The following ASAP1 variants were observed in gnomAD, a reference collection of about 807,000 sequenced individuals.
ASAP1 encodes the protein arf-GAP with SH3 domain, ANK repeat and PH domain-containing protein 1.
In ASAP1, 43 loss-of-function variants were observed where a neutral mutation model predicts 145.2. That is an observed-to-expected ratio of 0.30 (90% CI 0.23 to 0.38). The LOEUF (loss-of-function observed/expected upper bound fraction) is 0.38, where lower values mean the gene tolerates loss of function less well. ASAP1 is among the 10% of genes least tolerant of loss of function. ASAP1 has a pLI of 1.00. For synonymous variants in ASAP1, 546 were observed against 515.5 expected, an observed-to-expected ratio of 1.06 and a Z score of -0.80; for missense variants, 1,018 against 1,355.3, an observed-to-expected ratio of 0.75 and a Z score of 3.91.
At chr8:130,096,716 T>A (rs1208393353) in intron 24 of ASAP1, among the ~76,000 whole-genome samples, 1 of 152,182 alleles carries the variant, frequency 6.6e-6, no homozygotes, top group East Asian at 1.9e-4. Flanking sequence ...TCTAGGAGCA[T>A]GTGTTTTCCA....
chr8:130,236,976 T>C lies in ASAP1; in HGVS notation c.205A>G (p.Thr69Ala), dbSNP rs1818251407. 3.1e-6 allele frequency: 5 copies of C among 1,605,156 alleles called. No homozygotes were observed. The highest frequency in any genetic ancestry group is 4.3e-6 in the Non-Finnish European group (5 of 1,175,596). Residue 69 changes from threonine (T) to alanine (A), a missense_variant, in exon 4 of 30, where the codon ACA becomes GCA. Transcript: ENST00000518721. ...LLEEALDQDR[T>A]ALQKVKKSVK... ...GACTTCTTCACTTTCTGAAGGGCTG[T>C]TCTATCTTGGTCTAGAGCCTAAAAG...
chr8:130,213,344 C>T (rs1816700805), intron 5 of ASAP1, among the ~76,000 whole-genome samples: 1 of 152,210 alleles, frequency 6.6e-6, no homozygotes, highest in Non-Finnish European at 1.5e-5. Flanking sequence ...CAGACACATA[C>T]ACACGTTTAT....
chr8:130,153,333 A>ATATATATATATATATATATATATGTG, intron 12 of ASAP1, among the ~76,000 whole-genome samples: 1 of 60,216 alleles, frequency 1.7e-5, no homozygotes, highest in African/African-American at 1.0e-4. Context: ...TGCTTTTTAA[A>ATATATATATATATATATATATATGTG]TATATATATA....
At chr8:130,235,178 A>G (rs541261426) in intron 4 of ASAP1, among the ~76,000 whole-genome samples, 13 of 152,262 alleles carry the variant, frequency 8.5e-5, no homozygotes, top group African/African-American at 2.4e-4. Context: ...TCTCTTTTTC[A>G]AAGGGGTGTG....
At chr8:130,143,404 G>T (rs992212699) in intron 13 of ASAP1, among the ~76,000 whole-genome samples, 1 of 138,324 alleles carries the variant, frequency 7.2e-6, no homozygotes, top group East Asian at 2.4e-4. Context: ...GTGTGTGTGA[G>T]ATGTCTGTTT....
chr8:130,346,180 A>G (rs1190098957), intron 3 of ASAP1, among the ~76,000 whole-genome samples: 1 of 152,260 alleles, frequency 6.6e-6, no homozygotes, highest in African/African-American at 2.4e-5. Flanking sequence ...CTAGGGTTAA[A>G]AAGTGAGGGG....
chr8:130,117,579 A>G (rs935925805), intron 20 of ASAP1, among the ~76,000 whole-genome samples: 8 of 152,196 alleles, frequency 5.3e-5, no homozygotes, highest in Non-Finnish European at 8.8e-5. Flanking sequence ...AGAACAGATA[A>G]AGAGAATAAA....
At chr8:130,364,503 T>C (rs558161518) in intron 2 of ASAP1, among the ~76,000 whole-genome samples, 4 of 152,354 alleles carry the variant, frequency 2.6e-5, no homozygotes, top group African/African-American at 7.2e-5. Flanking sequence ...TCTGATTTCA[T>C]AGCCCATGTG....
chr8:130,194,290 C>T (rs772026368), intron 5 of ASAP1, among the ~76,000 whole-genome samples: 10 of 151,562 alleles, frequency 6.6e-5, no homozygotes, highest in Non-Finnish European at 1.3e-4. Flanking sequence ...TAGTAATTAC[C>T]TTTGTCATTA....
intron 27 of ASAP1, among the ~76,000 whole-genome samples, chr8:130,072,830 C>CGCGCGCGCGCGCGCACGCGCG (rs1448184178): frequency 3.1e-5 from 1 of 31,922 alleles, no homozygotes; most frequent in Admixed American, 3.5e-4. Context: ...TGTGTGCGCG[C>CGCGCGCGCGCGCGCACGCGCG]GGGGGGGGGC....
chr8:130,363,811 T>A (rs2138217049), intron 2 of ASAP1, among the ~76,000 whole-genome samples: 1 of 152,278 alleles, frequency 6.6e-6, no homozygotes, highest in Admixed American at 6.5e-5. Flanking sequence ...GATACAGTAT[T>A]TTTCCCAGCC....
At chr8:130,206,808 C>G (rs1816254374) in intron 5 of ASAP1, among the ~76,000 whole-genome samples, 1 of 151,902 alleles carries the variant, frequency 6.6e-6, no homozygotes, top group African/African-American at 2.4e-5. Context: ...GAATCTATTT[C>G]AATCCACCAG....
chr8:130,199,070 C>T (rs1001476787), intron 5 of ASAP1, among the ~76,000 whole-genome samples: 3 of 152,202 alleles, frequency 2.0e-5, no homozygotes, highest in African/African-American at 7.2e-5. Context: ...AGGCCTTGAC[C>T]ATTCTAAATA....
At chr8:130,152,908 A>G in intron 12 of ASAP1, 103 bp from the exon 13 acceptor site, 2 of 908,108 alleles carry the variant, frequency 2.2e-6, no homozygotes. Flanking sequence ...TAACTTCCCC[A>G]AACCAAAAAA....
At chr8:130,134,663 A>C (rs889321375) in intron 14 of ASAP1, among the ~76,000 whole-genome samples, 1 of 152,210 alleles carries the variant, frequency 6.6e-6, no homozygotes, top group Non-Finnish European at 1.5e-5. Flanking sequence ...ACAAGAATAC[A>C]ATAAAATAAC....
At chr8:130,104,138 A>T (rs928157595) in intron 24 of ASAP1, among the ~76,000 whole-genome samples, 1 of 152,206 alleles carries the variant, frequency 6.6e-6, no homozygotes, top group Non-Finnish European at 1.5e-5. Flanking sequence ...CTGGGTACTC[A>T]GTACACAACT....
At chr8:130,362,197 G>A (rs1826749787) in intron 2 of ASAP1, among the ~76,000 whole-genome samples, 1 of 152,172 alleles carries the variant, frequency 6.6e-6, no homozygotes, top group Non-Finnish European at 1.5e-5. Flanking sequence ...TAACCAAGGG[G>A]GGATGCATTT....
At chr8:130,192,414 A>G (rs1022141721) in intron 5 of ASAP1, among the ~76,000 whole-genome samples, 4 of 152,146 alleles carry the variant, frequency 2.6e-5, no homozygotes, top group African/African-American at 9.7e-5. Context: ...AAAAAGGTTG[A>G]GCAACACTAA....
intron 1 of ASAP1, among the ~76,000 whole-genome samples, chr8:130,402,916 T>C (rs958564456): frequency 8.6e-6 from 1 of 116,564 alleles, no homozygotes; most frequent in Admixed American, 8.1e-5. Context: ...TAATCTTTTG[T>C]GGGGTTTTTT....
Sources: gnomAD v4.1 joint callset for allele counts (sites outside exome capture counted in the v4.1 genomes callset) on GRCh38, gnomAD v4.1.1 for gene constraint, MANE v1.5 for transcripts, NCBI Gene and HGNC (gene_info 2026-07-23, HGNC 2026-07-21) for gene names.